TRPM8: variants seen among roughly 807,000 people sequenced by gnomAD.
The protein encoded by TRPM8 is transient receptor potential cation channel subfamily M member 8, also known as TRPM8 cationic channel.
Under a neutral mutation model 133.7 loss-of-function variants are expected in TRPM8, and 110 were observed. That is an observed-to-expected ratio of 0.82 (90% CI 0.70 to 0.96). The LOEUF (loss-of-function observed/expected upper bound fraction) is 0.96. Ranked by LOEUF, TRPM8 falls within the 40% of genes least tolerant of loss-of-function variation. The probability of loss-of-function intolerance (pLI) is 0.00; values close to 1 mark genes in which losing one functional copy is unlikely to be tolerated. For synonymous variants in TRPM8, 535 were observed against 532.3 expected (o/e 1.01, Z -0.07); for missense variants, 1,291 against 1,379.5 (o/e 0.94, Z 1.02).
chr2:233,955,121 C>G lies in TRPM8; in HGVS notation c.1244-11C>G, dbSNP rs1691259484. ...CTTTGGTGAGTTGAGTCTTTTCCTG[C>G]CCTCTCACAGCCTTCAGCACCAGTG... is the stretch of plus-strand genomic sequence containing the variant. On this transcript the variant is annotated splice_polypyrimidine_tract_variant and intron_variant, in intron 10 of 25. Coordinates refer to ENST00000324695, the MANE Select transcript of TRPM8 (RefSeq NM_024080.5). The G allele has an allele frequency of 1.2e-6, 2 of 1,603,498 alleles. No homozygotes were observed. Among genetic ancestry groups the G allele is most frequent in the African/African-American group, 2.7e-5 (2 of 74,418 alleles).
chr2:233,996,717 C>T (rs11563125), intron 22 of TRPM8, among the ~76,000 whole-genome samples: 2,984 of 152,150 alleles, frequency 0.02, 84 homozygotes, highest in African/African-American at 0.068. Flanking sequence ...GTAGATCTGC[C>T]GGGATAGCCT....
chr2:233,963,416 A>G (rs1436183807), intron 13 of TRPM8, 39 bp downstream of exon 13: 1 of 1,279,286 alleles, frequency 7.8e-7, no homozygotes, highest in Admixed American at 1.8e-5. Flanking sequence ...CACCAAATAT[A>G]TGCTTTGTTA....
rs1329836616 is a variant in TRPM8 at position 233,969,718 on chromosome 2, T to A, written c.2049T>A (p.Tyr683Ter). 2 of 1,612,846 alleles carry A rather than the reference T, an allele frequency of 1.2e-6. No individual in the cohort carries two copies. The highest frequency in any genetic ancestry group is 1.7e-5 in the Admixed American group (1 of 60,026). The change falls in exon 16 of 26, where the codon TAT becomes TAA. Residue 683 changes from tyrosine (Y) to a stop codon, truncating the protein, a stop_gained. Transcript: ENST00000324695. LOFTEE classifies it high-confidence loss of function. ...AGAATTTTCTTTCTAAGCAATGGTA[T>A]GGAGAGATTTCCCGAGACACCAAGA... ...GVQNFLSKQW[Y>*]GEISRDTKNW... is the part of the protein sequence containing the mutation.
At chr2:234,007,287 T>A (rs1172225911) in intron 23 of TRPM8, among the ~76,000 whole-genome samples, 1 of 152,164 alleles carries the variant, frequency 6.6e-6, no homozygotes, top group African/African-American at 2.4e-5. Context: ...CTGGCAAGAC[T>A]CACAGGTCAT....
In TRPM8 at chr2:233,937,432, T is replaced by A. The variant is rs1690780964; in HGVS notation, c.271T>A (p.Tyr91Asn). The change falls in exon 4 of 26, where the codon TAC (tyrosine) becomes AAC (asparagine). Residue 91 changes from tyrosine (Y) to asparagine (N), a missense_variant. Transcript: ENST00000324695. ...GATCAACCAAAGTGAGAAATGGAAC[T>A]ACAAGAAACACACCAAGGAATTTCC... ...TQINQSEKWN[Y>N]KKHTKEFPTD... 6.2e-6 allele frequency: 10 copies of A among 1,614,046 alleles called. No individual in the cohort carries two copies. In the East Asian group the frequency reaches 2.2e-4, roughly 36 times the overall value.
chr2:233,955,296 A>G (rs1431116259), intron 11 of TRPM8, 46 bp downstream of exon 11: 2 of 1,445,784 alleles, frequency 1.4e-6, no homozygotes, highest in Non-Finnish European at 9.7e-7. Context: ...GGGTCTGGAC[A>G]GTGGTCTGGG....
At position 234,002,802 on chromosome 2, in the gene TRPM8, T is replaced by A. The variant is rs141130854; in HGVS notation, c.3131-4051T>A. Among the ~76,000 whole-genome samples the A allele has an allele frequency of 3.0e-3, 463 of 152,298 alleles. 1 individual carries two copies. Among genetic ancestry groups the A allele is most frequent in the African/African-American group, 0.01 (433 of 41,556 alleles). Reference sequence around the variant, plus strand: ...GGTGGTCCTTCTCTCTGCTTTTTTTTAAAATCCTCATTCTACTGTTCACAG... The same window carrying A: ...GGTGGTCCTTCTCTCTGCTTTTTTTAAAAATCCTCATTCTACTGTTCACAG... On this transcript the variant is annotated intron_variant, in intron 22 of 25. Transcript: ENST00000324695.
chr2:233,963,705 G>T (rs1002021939), intron 13 of TRPM8, among the ~76,000 whole-genome samples: 11 of 152,160 alleles, frequency 7.2e-5, no homozygotes, highest in Non-Finnish European at 1.3e-4. Flanking sequence ...ACGGGAGGTA[G>T]GGCCTGTAAA....
At chr2:233,963,239 A>T in intron 12 of TRPM8, 43 bp from the exon 13 acceptor site, 1 of 1,393,068 alleles carries the variant, frequency 7.2e-7, no homozygotes, top group Non-Finnish European at 1.0e-6. Flanking sequence ...ATCCCAGAAC[A>T]GTTTCCATTT....
intron 22 of TRPM8, among the ~76,000 whole-genome samples, chr2:233,998,567 C>A (rs2125360357): frequency 6.6e-6 from 1 of 152,140 alleles, no homozygotes; most frequent in Middle Eastern, 3.4e-3. Context: ...TTAGGGTGAG[C>A]TGCTTGTGCC....
intron 2 of TRPM8, among the ~76,000 whole-genome samples, chr2:233,927,139 A>G (rs937534620): frequency 1.3e-5 from 2 of 152,112 alleles, no homozygotes; most frequent in African/African-American, 4.8e-5. Context: ...TATCCTGTCC[A>G]ACACTCTCAT....
chr2:233,963,192 G>A, intron 12 of TRPM8, 90 bp from the exon 13 acceptor site: 1 of 725,780 alleles, frequency 1.4e-6, no homozygotes, highest in Non-Finnish European at 2.3e-6. Flanking sequence ...AAGCCACAGA[G>A]CCCTCCAAAC....
intron 4 of TRPM8, among the ~76,000 whole-genome samples, chr2:233,938,669 T>G (rs936063140): frequency 2.0e-5 from 3 of 151,798 alleles, no homozygotes; most frequent in African/African-American, 7.3e-5. Context: ...AGTTTCTGAT[T>G]AGCCTTTCCA....
chr2:233,954,086 C>A, intron 10 of TRPM8, 67 bp downstream of exon 10: 1 of 1,141,592 alleles, frequency 8.8e-7, no homozygotes, highest in South Asian at 1.6e-5. Flanking sequence ...TCATGACTTA[C>A]ATTTCTTTTA....
At position 233,942,681 on chromosome 2, in the gene TRPM8, C is replaced by A; in HGVS notation, c.632C>A (p.Ala211Asp). Residue 211 changes from alanine (A) to aspartate (D), a missense_variant, in exon 6 of 26, where the codon GCC becomes GAC. Around this residue, in one of 2 missense-constraint regions of TRPM8, gnomAD observed 963 missense variants for 968.9 expected, o/e 0.99. Coordinates refer to ENST00000324695, the MANE Select transcript of TRPM8 (RefSeq NM_024080.5). The stretch of plus-strand genomic sequence containing the variant: ...AGGAGTTCAGAGGAGAATATTGTGG[C>A]CATTGGCATAGCAGCTTGGGGCATG... ...ISRSSEENIVAIGIAAWGMVS... is the reference protein window; with the variant it reads ...ISRSSEENIVDIGIAAWGMVS... 14 of 1,614,178 alleles carry A rather than the reference C, an allele frequency of 8.7e-6. No homozygotes were observed. Among genetic ancestry groups the A allele is most frequent in the Non-Finnish European group, 1.2e-5 (14 of 1,180,032 alleles).
At chr2:233,922,599 C>T (rs1691432791) in intron 1 of TRPM8, among the ~76,000 whole-genome samples, 1 of 152,178 alleles carries the variant, frequency 6.6e-6, no homozygotes, top group Admixed American at 6.5e-5. Flanking sequence ...TTCCCTCCAG[C>T]CTCCCTGTCT....
rs200545629 is a variant in TRPM8 at position 233,963,308 on chromosome 2, C to G, written c.1680C>G (p.Pro560=). 39 of 1,613,272 alleles carry G rather than the reference C, an allele frequency of 2.4e-5. No individual in the cohort carries two copies. Among genetic ancestry groups the G allele is most frequent in the Non-Finnish European group, 3.3e-5 (39 of 1,179,618 alleles). ...LHDVSPITRH[P]LQALFIWAIL... ...ACGTGTCTCCTATTACTCGGCACCCCCTGCAAGCTCTCTTCATCTGGGCCA... is the reference window on the plus strand; with the variant it reads ...ACGTGTCTCCTATTACTCGGCACCCGCTGCAAGCTCTCTTCATCTGGGCCA... Residue 560 remains proline (P), a synonymous_variant, in exon 13 of 26, where the codon CCC becomes CCG. Transcript: ENST00000324695.
rs76817254 is a variant in TRPM8, at chr2:233,979,274, G to A, written c.2356-914G>A. On this transcript the variant is annotated intron_variant, in intron 17 of 25. Transcript: ENST00000324695. ...CGGTCTCATCCTCATACCGATCTTC[G>A]TGTCGTTTCTTTTCAACATGTTTAA... Among the ~76,000 whole-genome samples, 45 of 152,238 alleles carry A rather than the reference G, an allele frequency of 3.0e-4. 1 individual carries two copies. The East Asian group carries it at 6.0e-3, about 20-fold the overall frequency.
In TRPM8 at chr2:233,969,734, G is replaced by A; in HGVS notation, c.2065G>A (p.Asp689Asn). ...GCAATGGTATGGAGAGATTTCCCGA[G>A]ACACCAAGAACTGGAAGATTATCCT... Reference protein sequence around the residue: ...SKQWYGEISRDTKNWKIILCL... With the variant: ...SKQWYGEISRNTKNWKIILCL... The change falls in exon 16 of 26, where the codon GAC (aspartate) becomes AAC (asparagine). Residue 689 changes from aspartate (D) to asparagine (N), a missense_variant. By Grantham distance (23) the Asp-to-Asn change is conservative (BLOSUM62 1). Transcript: ENST00000324695. 2 of 1,613,906 alleles carry A rather than the reference G, an allele frequency of 1.2e-6. No homozygotes were observed. The highest frequency in any genetic ancestry group is 1.7e-6 in the Non-Finnish European group (2 of 1,179,836).
Sources: gnomAD v4.1 joint callset for allele counts (sites outside exome capture counted in the v4.1 genomes callset) on GRCh38, gnomAD v4.1.1 for gene constraint, gnomAD v4.1.1 regional missense constraint, MANE v1.5 for transcripts, NCBI Gene and HGNC (gene_info 2026-07-23, HGNC 2026-07-21) for gene names.